Variants in CCDC180 observed in about 807,000 individuals in gnomAD.
CCDC180 encodes the protein coiled-coil domain-containing protein 180.
CCDC180 carries 154 observed loss-of-function variants against 209.2 expected under a neutral mutation model. The ratio of observed to expected loss-of-function variants is 0.74; its 90% CI spans 0.65 to 0.84. The LOEUF (loss-of-function observed/expected upper bound fraction) is 0.84, where lower values mean the gene tolerates loss of function less well. Ranked by LOEUF, CCDC180 falls within the 40% of genes least tolerant of loss-of-function variation. The pLI is 0.00. For missense variants in CCDC180, 1,874 were observed against 1,997.3 expected (o/e 0.94, Z 1.18); for synonymous variants, 778 against 749.1 (o/e 1.04, Z -0.63).
At chr9:97,376,679 T>G (rs532108836) in intron 36 of CCDC180, 84 bp from the exon 37 acceptor site, 11 of 1,475,674 alleles carry the variant, frequency 7.5e-6, no homozygotes, top group Admixed American at 2.0e-5. Flanking sequence ...AAAAACCACC[T>G]GCCAGCAAGT....
At position 97,350,490 on chromosome 9, in the gene CCDC180, G is replaced by A. The variant is rs1228755205; in HGVS notation, c.2937G>A (p.Arg979=). ...DVTQVSLRSF[R]QYLEESLGKL... ...CCCAGGTGTCCCTGCGCAGCTTCCG[G>A]CAGTACTTGGAGGAGAGTCTGGGCA... The change falls in exon 22 of 37, where the codon CGG becomes CGA. Residue 979 remains arginine (R), a synonymous_variant. Coordinates refer to ENST00000529487, the MANE Select transcript of CCDC180 (RefSeq NM_020893.6). 1 of 1,536,430 alleles carries A rather than the reference G, an allele frequency of 6.5e-7. No homozygotes were observed.
At chr9:97,337,105 G>A (rs1394290412) in intron 18 of CCDC180, among the ~76,000 whole-genome samples, 2 of 152,180 alleles carry the variant, frequency 1.3e-5, no homozygotes, top group Non-Finnish European at 2.9e-5. Context: ...TAGGTCATCT[G>A]CAAACAGGGA....
intron 31 of CCDC180, among the ~76,000 whole-genome samples, chr9:97,368,752 C>A (rs1330409250): frequency 6.6e-6 from 1 of 152,134 alleles, no homozygotes; most frequent in East Asian, 1.9e-4. Flanking sequence ...ATAACAAATT[C>A]TCTCTAGGAA....
intron 33 of CCDC180, 172 bp downstream of exon 33, chr9:97,370,950 CTTTT>C (rs67153822): frequency 2.4e-3 from 275 of 114,960 alleles, no homozygotes; most frequent in South Asian, 4.1e-3. Context: ...AACTTGTATA[CTTTT>C]TTTTTTTTTT....
chr9:97,341,199 T>G (rs954592819), intron 18 of CCDC180, among the ~76,000 whole-genome samples: 18 of 152,166 alleles, frequency 1.2e-4, no homozygotes, highest in African/African-American at 4.3e-4. Flanking sequence ...TTGTATCCAA[T>G]AAATAACTGT....
Position 97,374,613 on chromosome 9 carries a change from A to G in CCDC180, c.4671A>G (p.Glu1557=). Residue 1557 remains glutamate (E), a synonymous_variant, in exon 35 of 37, where the codon GAA becomes GAG. Coordinates refer to ENST00000529487, the MANE Select transcript of CCDC180 (RefSeq NM_020893.6). ...AACTCGCTGGGCTCTCCCTGAAGGA[A>G]GAGAGTGAGAAACCCCTGATTGAAC... ...RRKLAGLSLK[E]ESEKPLIERG... 1 of 1,614,124 alleles carries G rather than the reference A, an allele frequency of 6.2e-7. No individual in the cohort carries two copies. Among genetic ancestry groups the G allele is most frequent in the Non-Finnish European group, 8.5e-7 (1 of 1,180,008 alleles).
chr9:97,376,981 C>T lies in CCDC180; in HGVS notation c.*87C>T. ...GCCTACCTACTTTCCGTCCATCCCT[C>T]CCTCCCTTCATCCCTCCACCCCTGC... On this transcript the variant is annotated 3_prime_UTR_variant, in exon 37 of 37. Transcript: ENST00000529487. The T allele has an allele frequency of 6.8e-7, 1 of 1,461,628 alleles. No individual in the cohort carries two copies. Among genetic ancestry groups the T allele is most frequent in the East Asian group, 2.4e-5 (1 of 41,698 alleles). The allele number at this position is 1,461,628 out of a possible 1,614,324, so 90.5% of individuals were successfully genotyped here. A position where few individuals can be genotyped will look rare whatever the true frequency, so the allele number is the denominator to read the frequency against.
intron 5 of CCDC180, among the ~76,000 whole-genome samples, 160 bp from the exon 6 acceptor site, chr9:97,314,233 G>C (rs1168811921): frequency 6.6e-6 from 1 of 152,248 alleles, no homozygotes; most frequent in African/African-American, 2.4e-5. Context: ...AGCGTGTGGC[G>C]TGGTTGTGAG....
At chr9:97,340,772 C>A (rs1826053936) in intron 18 of CCDC180, among the ~76,000 whole-genome samples, 2 of 152,204 alleles carry the variant, frequency 1.3e-5, no homozygotes, top group Admixed American at 1.3e-4. Flanking sequence ...AGGGACAACA[C>A]CCGCTACTTA....
At chr9:97,365,572 C>A in intron 29 of CCDC180, 101 bp from the exon 30 acceptor site, 3 of 1,049,826 alleles carry the variant, frequency 2.9e-6, no homozygotes, top group Non-Finnish European at 3.0e-6. Flanking sequence ...AGGAGTGTCA[C>A]GGCCAAAACA....
intron 24 of CCDC180, among the ~76,000 whole-genome samples, chr9:97,355,318 C>A (rs906627572): frequency 1.3e-5 from 2 of 152,024 alleles, no homozygotes; most frequent in Admixed American, 1.3e-4. Flanking sequence ...CCATGCCCAG[C>A]CAATTTTTTC....
intron 17 of CCDC180, 59 bp from the exon 18 acceptor site, chr9:97,330,263 C>A (rs1381375773): frequency 6.2e-7 from 1 of 1,610,374 alleles, no homozygotes; most frequent in African/African-American, 1.3e-5. Context: ...TTGGGAGGCC[C>A]AATCCAGGCA....
In CCDC180 at chr9:97,336,904, T is replaced by C. The variant is rs374840226; in HGVS notation, c.2274+6137T>C. On this transcript the variant is annotated intron_variant, in intron 18 of 36. Coordinates refer to ENST00000529487, the MANE Select transcript of CCDC180 (RefSeq NM_020893.6). ...ATCCCTTTTAAGTTGGATTCCTAGG[T>C]ATTTTATTCTTTTTGTAGCAATTGT... Among the ~76,000 whole-genome samples, 9 of 152,328 alleles carry C rather than the reference T, an allele frequency of 5.9e-5. No individual in the cohort carries two copies. In the South Asian group the frequency reaches 1.9e-3, roughly 32 times the overall value.
chr9:97,339,587 G>A (rs1826016927), intron 18 of CCDC180, among the ~76,000 whole-genome samples: 1 of 152,120 alleles, frequency 6.6e-6, no homozygotes, highest in Admixed American at 6.5e-5. Context: ...GGCTGCTCTT[G>A]GCATTTTTTC....
At chr9:97,321,503 G>C (rs1421585526) in intron 11 of CCDC180, among the ~76,000 whole-genome samples, 1 of 152,158 alleles carries the variant, frequency 6.6e-6, no homozygotes, top group African/African-American at 2.4e-5. Flanking sequence ...GGGTACTTTG[G>C]CTAGTAGTAC....
chr9:97,342,291 C>T (rs1826109591), intron 18 of CCDC180, among the ~76,000 whole-genome samples: 1 of 152,206 alleles, frequency 6.6e-6, no homozygotes, highest in Non-Finnish European at 1.5e-5. Flanking sequence ...GGAGCTGTTC[C>T]TATTTGGCCA....
At chr9:97,374,294 G>T in intron 34 of CCDC180, 2 of 467,498 alleles carry the variant, frequency 4.3e-6, no homozygotes. Flanking sequence ...ATCAGGCTTG[G>T]GTTTGGAGCT....
rs1333729462 is a variant in CCDC180, at chr9:97,354,581, G to C, written c.3015G>C (p.Glu1005Asp). 1 of 1,614,184 alleles carries C rather than the reference G, an allele frequency of 6.2e-7. No homozygotes were observed. Among genetic ancestry groups the C allele is most frequent in the South Asian group, 1.1e-5 (1 of 91,080 alleles). Reference sequence around the variant, plus strand: ...TGATTATTTTCAGATTGTTTTCAGAGGGAGGCAACTTTTCTCCTAAAGAAA... The same window carrying C: ...TGATTATTTTCAGATTGTTTTCAGACGGAGGCAACTTTTCTCCTAAAGAAA... ...EFIKHCRLFS[E>D]GGNFSPKEIN... The change falls in exon 23 of 37, where the codon GAG (glutamate) becomes GAC (aspartate). Residue 1005 changes from glutamate to aspartate, a missense_variant. Glu to Asp is a conservative substitution (Grantham distance 45). Coordinates refer to ENST00000529487, the MANE Select transcript of CCDC180 (RefSeq NM_020893.6).
In CCDC180 at chr9:97,322,823, GC is replaced by G; in HGVS notation, c.1160-7del. 6.2e-7 allele frequency: 1 copy of G among 1,613,050 alleles called. No individual in the cohort carries two copies. The highest frequency in any genetic ancestry group is 8.5e-7 in the Non-Finnish European group (1 of 1,179,316). ...TCTGGACTGATTTGCTTTGTTTTCTGCCCATGGAGACACCTACCACGTGGAC... is the reference window on the plus strand; with the variant it reads ...TCTGGACTGATTTGCTTTGTTTTCTGCCATGGAGACACCTACCACGTGGAC... On this transcript the variant is annotated splice_polypyrimidine_tract_variant and intron_variant, in intron 11 of 36. Transcript: ENST00000529487.
Sources: allele counts gnomAD v4.1 joint callset (sites outside exome capture counted in the v4.1 genomes callset), GRCh38; gene constraint gnomAD v4.1.1; transcripts MANE v1.5; gene names NCBI Gene and HGNC (gene_info 2026-07-23, HGNC 2026-07-21).